Variants in THADA observed in about 807,000 individuals in gnomAD.
The protein encoded by THADA is tRNA (32-2'-O)-methyltransferase regulator THADA.
THADA carries 213 observed loss-of-function variants against 219.8 expected under a neutral mutation model. The observed-to-expected ratio is 0.97, with a 90% CI of 0.87 to 1.09. The LOEUF is 1.09. Ranked by LOEUF, THADA falls within the 50% of genes least tolerant of loss-of-function variation. The probability of loss-of-function intolerance (pLI) is 0.00; values close to 1 mark genes in which losing one functional copy is unlikely to be tolerated. For missense variants in THADA, 2,956 were observed against 2,311.3 expected (o/e 1.28, Z -5.72); for synonymous variants, 1,018 against 828.9 (o/e 1.23, Z -3.92).
rs1326906032 is a variant in THADA at position 43,498,825 on chromosome 2, G to C, written c.3744+8C>G. ...AAATCAATGAAAATAAATAGTGACAGCACTTACTGCCCAGACCGGTGATGT... is the reference window on the plus strand; with the variant it reads ...AAATCAATGAAAATAAATAGTGACACCACTTACTGCCCAGACCGGTGATGT... On this transcript the variant is annotated splice_region_variant and intron_variant, in intron 25 of 37. Transcript: ENST00000405975. 3 of 1,610,310 alleles carry C rather than the reference G, an allele frequency of 1.9e-6. No homozygotes were observed. The highest frequency in any genetic ancestry group is 2.5e-6 in the Non-Finnish European group (3 of 1,178,790).
intron 28 of THADA, among the ~76,000 whole-genome samples, chr2:43,407,547 T>C (rs370308153): frequency 6.6e-6 from 1 of 152,182 alleles, no homozygotes; most frequent in East Asian, 1.9e-4. Flanking sequence ...CAGGTGATTA[T>C]CTCTGAAATG....
chr2:43,470,458 C>G (rs1009483655), intron 26 of THADA, among the ~76,000 whole-genome samples: 2 of 151,934 alleles, frequency 1.3e-5, no homozygotes, highest in African/African-American at 4.8e-5. Flanking sequence ...TACGATTTGT[C>G]CATTATAAGG....
chr2:43,474,373 G>C (rs898505122), intron 26 of THADA, among the ~76,000 whole-genome samples: 4 of 152,160 alleles, frequency 2.6e-5, no homozygotes, highest in African/African-American at 9.7e-5. Context: ...CTCTTCCCCT[G>C]AGAGAGAGGA....
At chr2:43,458,056 T>C (rs988639143) in intron 26 of THADA, among the ~76,000 whole-genome samples, 28 of 152,052 alleles carry the variant, frequency 1.8e-4, no homozygotes, top group Non-Finnish European at 2.9e-4. Flanking sequence ...GGCTTATTTA[T>C]GGAAAGGAAA....
chr2:43,515,109 TTTTA>T (rs1691282293), intron 22 of THADA, among the ~76,000 whole-genome samples: 1 of 32,386 alleles, frequency 3.1e-5, no homozygotes, highest in Non-Finnish European at 5.0e-5. Context: ...ATATAATATA[TTTTA>T]TATATAATAT....
intron 1 of THADA, among the ~76,000 whole-genome samples, chr2:43,593,345 G>C (rs1483872404): frequency 2.6e-5 from 4 of 152,194 alleles, no homozygotes; most frequent in Non-Finnish European, 5.9e-5. Flanking sequence ...AGCCCAAGAT[G>C]ACTGCCAAAA....
At chr2:43,377,134 T>C (rs904796432) in intron 29 of THADA, among the ~76,000 whole-genome samples, 3 of 152,180 alleles carry the variant, frequency 2.0e-5, no homozygotes, top group African/African-American at 7.2e-5. Flanking sequence ...GGATAAACAA[T>C]AGCATCTCCT....
chr2:43,240,591 TGGGATTCCA>T (rs886956235), intron 36 of THADA, among the ~76,000 whole-genome samples: 4 of 152,126 alleles, frequency 2.6e-5, no homozygotes, highest in African/African-American at 9.7e-5. Context: ...GGCTCAGAGC[TGGGATTCCA>T]GGTGGGGCAC....
At chr2:43,328,328 G>A (rs183811730) in intron 30 of THADA, among the ~76,000 whole-genome samples, 10 of 152,320 alleles carry the variant, frequency 6.6e-5, no homozygotes, top group East Asian at 3.9e-4. Flanking sequence ...AGGACTGCTC[G>A]TTTACCTTGC....
At chr2:43,283,931 C>A (rs1176355297) in intron 35 of THADA, among the ~76,000 whole-genome samples, 1 of 152,194 alleles carries the variant, frequency 6.6e-6, no homozygotes, top group Non-Finnish European at 1.5e-5. Context: ...ATAATCCCAG[C>A]ACTTTGGGAG....
chr2:43,232,122 C>T (rs1433437024), intron 37 of THADA, among the ~76,000 whole-genome samples: 1 of 152,214 alleles, frequency 6.6e-6, no homozygotes, highest in African/African-American at 2.4e-5. Flanking sequence ...TACTGACTAA[C>T]AAGCAGTCTC....
chr2:43,236,950 T>C (rs1033617021), intron 36 of THADA, among the ~76,000 whole-genome samples: 9 of 149,876 alleles, frequency 6.0e-5, no homozygotes, highest in African/African-American at 1.7e-4. Flanking sequence ...TGGGCGCCTG[T>C]AGTCCCAGCT....
intron 30 of THADA, 131 bp downstream of exon 30, chr2:43,343,991 G>C (rs537621163): frequency 1.7e-5 from 11 of 640,668 alleles, no homozygotes; most frequent in Middle Eastern, 2.6e-4. Flanking sequence ...AGTTCTAAAA[G>C]GATAAATACT....
At chr2:43,281,440 C>CTTT (rs35111198) in intron 35 of THADA, among the ~76,000 whole-genome samples, 58 of 106,822 alleles carry the variant, frequency 5.4e-4, no homozygotes, top group African/African-American at 1.9e-3. Flanking sequence ...TCATGTACTT[C>CTTT]TTTTTTTTTT....
intron 29 of THADA, chr2:43,370,242 GA>G (rs1165192759): frequency 3.9e-5 from 6 of 152,216 alleles, no homozygotes; most frequent in Non-Finnish European, 7.3e-5. Flanking sequence ...CAGATTTCTA[GA>G]AACTTTTGTT....
chr2:43,592,119 A>G, intron 2 of THADA, 73 bp from the exon 3 acceptor site: 1 of 1,287,976 alleles, frequency 7.8e-7, no homozygotes, highest in East Asian at 2.5e-5. Context: ...TGTGCATTCT[A>G]CAAAATTTTT....
chr2:43,445,443 G>C (rs1681397784), intron 26 of THADA, among the ~76,000 whole-genome samples: 1 of 152,114 alleles, frequency 6.6e-6, no homozygotes, highest in African/African-American at 2.4e-5. Context: ...AAAACAATGA[G>C]TGATCAGAAA....
At chr2:43,278,471 A>G (rs1447958834) in intron 36 of THADA, among the ~76,000 whole-genome samples, 3 of 152,180 alleles carry the variant, frequency 2.0e-5, no homozygotes, top group African/African-American at 7.2e-5. Flanking sequence ...GTGTCCTTCT[A>G]AGCAAATGCT....
chr2:43,316,844 T>C (rs1005569462), intron 31 of THADA, among the ~76,000 whole-genome samples: 1 of 152,210 alleles, frequency 6.6e-6, no homozygotes, highest in African/African-American at 2.4e-5. Context: ...GAAGAGTTGC[T>C]TGAACCCGGG....
Sources: gnomAD v4.1 joint callset for allele counts (sites outside exome capture counted in the v4.1 genomes callset) on GRCh38, gnomAD v4.1.1 for gene constraint, MANE v1.5 for transcripts, NCBI Gene and HGNC (gene_info 2026-07-23, HGNC 2026-07-21) for gene names.